Variants in RPH3A observed in about 807,000 individuals in gnomAD.
RPH3A encodes rabphilin 3A.
Under a neutral mutation model 102.2 loss-of-function variants are expected in RPH3A, and 48 were observed. The observed-to-expected ratio is 0.47, with a 90% CI of 0.37 to 0.60. RPH3A has a LOEUF of 0.60. Ranked by LOEUF, RPH3A falls within the 20% of genes least tolerant of loss-of-function variation. The pLI is 0.00. For synonymous variants in RPH3A, 310 were observed against 324.3 expected, an observed-to-expected ratio of 0.96 and a Z score of 0.47; for missense variants, 781 against 910.1, an observed-to-expected ratio of 0.86 and a Z score of 1.83.
At chr12:112,860,844 AG>A (rs897248082) in intron 5 of RPH3A, among the ~76,000 whole-genome samples, 3 of 152,216 alleles carry the variant, frequency 2.0e-5, no homozygotes, top group African/African-American at 7.2e-5. Context: ...AGGTGAAAAT[AG>A]TTGGGAGCAA....
chr12:112,740,767 T>C (rs2040703502), intron 1 of RPH3A, among the ~76,000 whole-genome samples: 1 of 152,174 alleles, frequency 6.6e-6, no homozygotes, highest in African/African-American at 2.4e-5. Flanking sequence ...AGGCGCGGAG[T>C]TCCATTTTGC....
intron 1 of RPH3A, among the ~76,000 whole-genome samples, chr12:112,746,137 T>G (rs747136974): frequency 1.8e-4 from 28 of 152,290 alleles, no homozygotes; most frequent in Admixed American, 5.2e-4. Context: ...TTTTTCCTTC[T>G]TACCTTCTTT....
At chr12:112,650,680 A>G (rs1397948767) in intron 1 of RPH3A, 1 of 151,904 alleles carries the variant, frequency 6.6e-6, no homozygotes, top group Non-Finnish European at 1.5e-5. Flanking sequence ...AGTGTCTGAC[A>G]CATGAAGACA....
In RPH3A at chr12:112,640,488, T is replaced by C. The variant is rs184192199; in HGVS notation, c.-140+65169T>C. 2.2e-3 allele frequency among the ~76,000 whole-genome samples: 342 copies of C among 152,124 alleles called. 3 individuals carry two copies. The highest frequency in any genetic ancestry group is 7.8e-3 in the African/African-American group (325 of 41,522). ...CTTTTCCCCATCTTTTCATCTCTCCTTTCCCTGTCTTCTCCTCTACACTCT... is the reference window on the plus strand; with the variant it reads ...CTTTTCCCCATCTTTTCATCTCTCCCTTCCCTGTCTTCTCCTCTACACTCT... On this transcript the variant is annotated intron_variant, in intron 1 of 21. Coordinates refer to the RPH3A transcript ENST00000543106.
chr12:112,870,040 G>T lies in RPH3A; in HGVS notation c.796+1G>T. 6.2e-7 allele frequency: 1 copy of T among 1,610,102 alleles called. No homozygotes were observed. Among genetic ancestry groups the T allele is most frequent in the Non-Finnish European group, 8.5e-7 (1 of 1,178,612 alleles). On this transcript the variant is annotated splice_donor_variant, in intron 10 of 21. Transcript: ENST00000389385. LOFTEE classifies it high-confidence loss of function. Reference sequence around the variant, plus strand: ...GGAGACTCCAGCCGGAGCCCAGCAGGTGAGCAAGATGGGCAAATCCAGAGA... The same window carrying T: ...GGAGACTCCAGCCGGAGCCCAGCAGTTGAGCAAGATGGGCAAATCCAGAGA...
chr12:112,644,886 T>A (rs2039917012), intron 1 of RPH3A, among the ~76,000 whole-genome samples: 1 of 152,078 alleles, frequency 6.6e-6, no homozygotes. Context: ...GGAAAGAAAC[T>A]GAAAATAAAA....
chr12:112,828,250 A>G (rs990500614), intron 2 of RPH3A, 51 bp from the exon 3 acceptor site: 9 of 1,253,988 alleles, frequency 7.2e-6, no homozygotes, highest in Non-Finnish European at 1.1e-5. Context: ...TTGGGAACTA[A>G]GGAGTGGCTG....
intron 2 of RPH3A, among the ~76,000 whole-genome samples, chr12:112,798,682 G>C (rs12816642): frequency 2.0e-5 from 3 of 151,950 alleles, no homozygotes; most frequent in African/African-American, 7.3e-5. Flanking sequence ...CTGCCTTCCT[G>C]TGTTTTTCCT....
chr12:112,814,791 C>T (rs748361219), intron 2 of RPH3A, among the ~76,000 whole-genome samples: 18 of 152,068 alleles, frequency 1.2e-4, no homozygotes, highest in Non-Finnish European at 2.6e-4. Context: ...TGAAAATTGC[C>T]CACCTGAAGA....
chr12:112,760,325 C>T (rs1485801309), intron 1 of RPH3A, among the ~76,000 whole-genome samples: 1 of 152,150 alleles, frequency 6.6e-6, no homozygotes, highest in African/African-American at 2.4e-5. Context: ...TTTGTACAAC[C>T]TTGTAGGGCA....
At chr12:112,711,303 G>C (rs979643705) in intron 1 of RPH3A, among the ~76,000 whole-genome samples, 3 of 151,982 alleles carry the variant, frequency 2.0e-5, no homozygotes, top group Non-Finnish European at 4.4e-5. Flanking sequence ...TATAAGCATA[G>C]TTTGTTCACT....
chr12:112,706,179 A>G (rs1276235193), intron 1 of RPH3A, among the ~76,000 whole-genome samples: 1 of 152,222 alleles, frequency 6.6e-6, no homozygotes, highest in Non-Finnish European at 1.5e-5. Context: ...GACAGCATGC[A>G]ACTAATTGTA....
intron 2 of RPH3A, among the ~76,000 whole-genome samples, chr12:112,812,616 T>C (rs2041597809): frequency 6.6e-6 from 1 of 152,168 alleles, no homozygotes; most frequent in African/African-American, 2.4e-5. Context: ...ACATGGTACA[T>C]GGTTGGTGGA....
chr12:112,700,469 T>A (rs1328395864), intron 1 of RPH3A, among the ~76,000 whole-genome samples: 1 of 152,244 alleles, frequency 6.6e-6, no homozygotes, highest in African/African-American at 2.4e-5. Flanking sequence ...TATTCTCATG[T>A]AAGCTTCTCA....
chr12:112,867,460 C>A, intron 7 of RPH3A, among the ~76,000 whole-genome samples: 1 of 152,136 alleles, frequency 6.6e-6, no homozygotes. Context: ...CAGTTTCTGT[C>A]AGGGGCCTGG....
chr12:112,599,601 T>C (rs756559918), intron 1 of RPH3A, among the ~76,000 whole-genome samples: 1 of 152,210 alleles, frequency 6.6e-6, no homozygotes, highest in African/African-American at 2.4e-5. Context: ...GGGTTAGTTA[T>C]AGCTTGGAAT....
chr12:112,639,365 A>G (rs2039870202), intron 1 of RPH3A, among the ~76,000 whole-genome samples: 1 of 152,228 alleles, frequency 6.6e-6, no homozygotes, highest in African/African-American at 2.4e-5. Flanking sequence ...ATGGAGCTGG[A>G]CGCTGTTATC....
rs59958503 is a variant in RPH3A, at chr12:112,713,023, C to CTCT, written c.-139-79095_-139-79093dup. ...CCTCTTCCTCTTCCTCTTCCTCTTC[C>CTCT]TCTTCTTCTTCTTCTTCTTCTTCTT... On this transcript the variant is annotated intron_variant, in intron 1 of 21. Coordinates refer to the RPH3A transcript ENST00000543106. 1.1e-3 allele frequency among the ~76,000 whole-genome samples: 60 copies of CTCT among 52,800 alleles called. 2 individuals are homozygous for CTCT. The highest frequency in any genetic ancestry group is 3.4e-3 in the Admixed American group (15 of 4,358). 34.6% of individuals were successfully genotyped at this position (52,800 alleles called of 152,430 possible).
intron 1 of RPH3A, among the ~76,000 whole-genome samples, chr12:112,621,840 C>T (rs1357285003): frequency 6.6e-6 from 1 of 151,480 alleles, no homozygotes; most frequent in African/African-American, 2.4e-5. Flanking sequence ...AGTGGTTCTC[C>T]CAGCATGCAG....
Sources: allele counts gnomAD v4.1 joint callset (sites outside exome capture counted in the v4.1 genomes callset), GRCh38; gene constraint gnomAD v4.1.1; transcripts MANE v1.5; gene names NCBI Gene and HGNC (gene_info 2026-07-23, HGNC 2026-07-21).